The following SCAF1 variants were observed in gnomAD, a reference collection of about 807,000 sequenced individuals.
SCAF1 encodes the protein splicing factor, arginine/serine-rich 19.
A neutral mutation model predicts 91.2 loss-of-function variants in SCAF1; 28 were observed. That is an observed-to-expected ratio of 0.31 (90% CI 0.23 to 0.42). The LOEUF (loss-of-function observed/expected upper bound fraction) is 0.42. Ranked by LOEUF, SCAF1 falls within the 10% of genes least tolerant of loss-of-function variation. SCAF1 has a pLI of 1.00. For synonymous variants in SCAF1, 1,036 were observed against 833.7 expected (o/e 1.24, Z -4.18); for missense variants, 1,893 against 1,872.1 (o/e 1.01, Z -0.21).
chr19:49,644,360 G>A (rs1359645485), intron 1 of SCAF1, among the ~76,000 whole-genome samples: 1 of 152,206 alleles, frequency 6.6e-6, no homozygotes, highest in Non-Finnish European at 1.5e-5. Context: ...ATGGCGATAG[G>A]TAAATGCCTC....
chr19:49,652,292 C>T lies in SCAF1; in HGVS notation c.1903C>T (p.Arg635Trp), dbSNP rs1334985131. ...SRRERHRGKH[R>W]DGGGSKKKKK... ...GCGCGAGCGGCACCGCGGGAAACAC[C>T]GGGACGGTGGCGGCAGCAAGAAGAA... Residue 635 changes from arginine to tryptophan, a missense_variant, in exon 7 of 11, where the codon CGG becomes TGG. Physicochemically the swap from Arg to Trp is moderately radical, Grantham distance 101. This residue lies in a region of SCAF1 where 1,436 missense variants were observed against 1,306.8 expected (regional missense o/e 1.10). Coordinates refer to ENST00000360565, the MANE Select transcript of SCAF1 (RefSeq NM_021228.3). The T allele has an allele frequency of 6.6e-7, 1 of 1,525,850 alleles. No individual in the cohort carries two copies. 94.5% of individuals were successfully genotyped at this position (1,525,850 alleles called of 1,614,324 possible). A position where few individuals can be genotyped will look rare whatever the true frequency, so the allele number is the denominator to read the frequency against.
intron 10 of SCAF1, 66 bp downstream of exon 10, chr19:49,657,955 G>A: frequency 6.4e-7 from 1 of 1,565,476 alleles, no homozygotes; most frequent in Non-Finnish European, 8.7e-7. Context: ...ACAGATGTGT[G>A]CAGACAGATG....
rs149111860 is a variant in SCAF1 at position 49,644,985 on chromosome 19, G to A, written c.-6-36G>A. The A allele has an allele frequency of 2.8e-4, 419 of 1,479,578 alleles. 1 individual carries two copies. The highest frequency in any genetic ancestry group is 2.0e-3 in the South Asian group (176 of 87,394). The allele number at this position is 1,479,578 out of a possible 1,614,324, so 91.7% of individuals were successfully genotyped here. A position where few individuals can be genotyped will look rare whatever the true frequency, so the allele number is the denominator to read the frequency against. On this transcript the variant is annotated intron_variant, in intron 1 of 10. Coordinates refer to ENST00000360565, the MANE Select transcript of SCAF1 (RefSeq NM_021228.3). ...CCTCTACTTCCATCCTTTCTCCCGG[G>A]ACCTCCACTCCAAACTCTCCCCCCT...
chr19:49,654,302 C>A, intron 7 of SCAF1, 47 bp from the exon 8 acceptor site: 1 of 1,545,078 alleles, frequency 6.5e-7, no homozygotes, highest in Non-Finnish European at 8.9e-7. Context: ...AGCTCCTGTC[C>A]TGTCACCTCT....
intron 6 of SCAF1, among the ~76,000 whole-genome samples, chr19:49,647,343 C>T (rs1216539434): frequency 6.6e-6 from 1 of 152,256 alleles, no homozygotes; most frequent in Non-Finnish European, 1.5e-5. Context: ...CGCGAACGCA[C>T]ATCTCAGTTG....
chr19:49,654,061 G>T (rs1478989718), intron 7 of SCAF1, among the ~76,000 whole-genome samples: 2 of 152,174 alleles, frequency 1.3e-5, no homozygotes, highest in African/African-American at 2.4e-5. Context: ...GAGAGAGGTT[G>T]GGACTGGCCA....
chr19:49,654,847 G>C lies in SCAF1; in HGVS notation c.3595G>C (p.Glu1199Gln). 1 of 1,605,368 alleles carries C rather than the reference G, an allele frequency of 6.2e-7. No individual in the cohort carries two copies. The highest frequency in any genetic ancestry group is 8.5e-7 in the Non-Finnish European group (1 of 1,174,592). ...CAAGAGAGAGGGCAGCAGCAGCTCT[G>C]AGGGCCGTGGGGACACAGATAAGGT... ...SDKREGSSSS[E>Q]GRGDTDKYLK... The change falls in exon 9 of 11, where the codon GAG (glutamate) becomes CAG (glutamine). Residue 1199 changes from glutamate (E) to glutamine (Q), a missense_variant. Physicochemically the swap from Glu to Gln is conservative, Grantham distance 29 (BLOSUM62 2). This residue lies in a region of SCAF1 where 1,436 missense variants were observed against 1,306.8 expected (regional missense o/e 1.10). Coordinates refer to ENST00000360565, the MANE Select transcript of SCAF1 (RefSeq NM_021228.3).
In SCAF1 at chr19:49,645,498, T is replaced by G; in HGVS notation, c.166+87T>G. The G allele has an allele frequency of 7.1e-7, 1 of 1,416,904 alleles. No homozygotes were observed. The allele number at this position is 1,416,904 out of a possible 1,614,324, so 87.8% of individuals were successfully genotyped here. ...CATTCATACAAGCTTTTCTGAAGCC[T>G]CCTGGGTGCCACCCTTGTGCTGGCA... On this transcript the variant is annotated intron_variant, in intron 3 of 10. Coordinates refer to ENST00000360565, the MANE Select transcript of SCAF1 (RefSeq NM_021228.3). This position sits in a 1 kb window ranked among gnomAD's most constrained non-coding sequence, Gnocchi z 4.6.
chr19:49,648,969 CAAAAAAAA>C (rs71180644), intron 6 of SCAF1, among the ~76,000 whole-genome samples: 2 of 63,960 alleles, frequency 3.1e-5, no homozygotes, highest in Non-Finnish European at 3.2e-5. Context: ...GACTCCCTCT[CAAAAAAAA>C]AAAAAAAAAA....
At chr19:49,644,736 G>A (rs916571127) in intron 1 of SCAF1, 13 of 286,136 alleles carry the variant, frequency 4.5e-5, no homozygotes, top group African/African-American at 2.7e-4. Flanking sequence ...GGGAATTGAG[G>A]AGTGAGATGT....
chr19:49,655,490 C>T (rs1209623021), intron 9 of SCAF1, among the ~76,000 whole-genome samples: 1 of 152,178 alleles, frequency 6.6e-6, no homozygotes, highest in Admixed American at 6.5e-5. Flanking sequence ...CCTCAGCCTC[C>T]CGAGTAGCTG....
At chr19:49,648,634 T>C (rs1008915858) in intron 6 of SCAF1, among the ~76,000 whole-genome samples, 1 of 149,806 alleles carries the variant, frequency 6.7e-6, no homozygotes, top group Non-Finnish European at 1.5e-5. Flanking sequence ...CTAGGACTTA[T>C]GACATTCTTA....
rs1454396711 is a variant in SCAF1, at chr19:49,650,948, C to A, written c.559C>A (p.Pro187Thr). The A allele has an allele frequency of 3.9e-6, 6 of 1,556,162 alleles. No individual in the cohort carries two copies. The highest frequency in any genetic ancestry group is 3.4e-4 in the Middle Eastern group (2 of 5,930). Reference sequence around the variant, plus strand: ...CACGGGAGACGGGGGCCCTGCCCCACCCCCTGCCCCCTCCTCTGCATCCTC... The same window carrying A: ...CACGGGAGACGGGGGCCCTGCCCCAACCCCTGCCCCCTCCTCTGCATCCTC... ...LGTGDGGPAP[P>T]PAPSSASSSP... Residue 187 changes from proline (P) to threonine (T), a missense_variant, in exon 7 of 11, where the codon CCC (proline) becomes ACC (threonine). By Grantham distance (38) the Pro-to-Thr change is conservative. Around this residue, in one of 5 missense-constraint regions of SCAF1, gnomAD observed 270 missense variants for 292.5 expected, o/e 0.92. Transcript: ENST00000360565.
chr19:49,654,272 G>A, intron 7 of SCAF1, 77 bp from the exon 8 acceptor site: 1 of 1,230,570 alleles, frequency 8.1e-7, no homozygotes, highest in Non-Finnish European at 1.2e-6. Context: ...ATGACAGCAG[G>A]TGTCCAGGTG....
rs2122514899 is a variant in SCAF1 at position 49,654,700 on chromosome 19, C to T, written c.3448C>T (p.Pro1150Ser). 1.2e-6 allele frequency: 2 copies of T among 1,614,144 alleles called. No individual in the cohort carries two copies. The highest frequency in any genetic ancestry group is 8.5e-7 in the Non-Finnish European group (1 of 1,180,004). The part of the protein sequence containing the change: ...PPSSLGMTPA[P>S]VPTSLGLPPG... ...CTCAAGTCTGGGGATGACCCCAGCT[C>T]CTGTGCCCACCTCTTTGGGTCTGCC... Residue 1150 changes from proline to serine, a missense_variant, in exon 9 of 11, where the codon CCT (proline) becomes TCT (serine). Transcript: ENST00000360565.
Position 49,653,647 on chromosome 19 carries a change from G to A in SCAF1, c.3258G>A (p.Pro1086=), listed in dbSNP as rs368025682. Residue 1086 remains proline (P), a synonymous_variant, in exon 7 of 11, where the codon CCG becomes CCA. Coordinates refer to ENST00000360565, the MANE Select transcript of SCAF1 (RefSeq NM_021228.3). ...TCTCCCAGCTGCCCACGTTGCCCCC[G>A]CCCATGCCCTGGAATCTGCCAGCTG... ...SRVSQLPTLP[P]PMPWNLPAGV... is the part of the protein sequence containing the mutation. 1.5e-5 allele frequency: 24 copies of A among 1,587,152 alleles called. No individual in the cohort carries two copies. The highest frequency in any genetic ancestry group is 1.0e-4 in the South Asian group (9 of 88,244).
chr19:49,652,215 G>T lies in SCAF1; in HGVS notation c.1826G>T (p.Arg609Leu). The part of the protein sequence containing the change: ...RSRSREKRRR[R>L]RRSASPPPAT... ...CGGTCCCGGGAGAAGCGGCGACGGC[G>T]GCGGCGCTCCGCCTCCCCGCCCCCG... Residue 609 changes from arginine (R) to leucine (L), a missense_variant, in exon 7 of 11, where the codon CGG (arginine) becomes CTG (leucine). Transcript: ENST00000360565. 7.5e-7 allele frequency: 1 copy of T among 1,330,572 alleles called. No individual in the cohort carries two copies. 82.4% of individuals were successfully genotyped at this position (1,330,572 alleles called of 1,614,324 possible).
intron 9 of SCAF1, among the ~76,000 whole-genome samples, chr19:49,656,498 G>A (rs1342405032): frequency 6.6e-6 from 1 of 152,180 alleles, no homozygotes; most frequent in Admixed American, 6.5e-5. Context: ...CAAGGGTGGT[G>A]CCAAGGGACT....
chr19:49,646,334 G>A lies in SCAF1; in HGVS notation c.261+132G>A. Reference sequence around the variant, plus strand: ...TGCGATGCTGACCAGGGGCAATGTTGGAGAGTCTGGGGGCCTGATCTGTGG... The same window carrying A: ...TGCGATGCTGACCAGGGGCAATGTTAGAGAGTCTGGGGGCCTGATCTGTGG... On this transcript the variant is annotated intron_variant, in intron 4 of 10. Transcript: ENST00000360565. This position sits in a 1 kb window ranked among gnomAD's most constrained non-coding sequence, Gnocchi z 5.6. 1.1e-6 allele frequency: 1 copy of A among 889,938 alleles called. No individual in the cohort carries two copies. Among genetic ancestry groups the A allele is most frequent in the South Asian group, 1.6e-5 (1 of 61,756 alleles). 55.1% of individuals were successfully genotyped at this position (889,938 alleles called of 1,614,324 possible).
Sources: allele counts gnomAD v4.1 joint callset (sites outside exome capture counted in the v4.1 genomes callset), GRCh38; gene constraint gnomAD v4.1.1; regional missense constraint gnomAD v4.1.1; non-coding constraint Gnocchi (gnomAD v3.1); transcripts MANE v1.5; gene names NCBI Gene and HGNC (gene_info 2026-07-23, HGNC 2026-07-21).